Variants in RALGPS2 observed in about 807,000 individuals in gnomAD.
RALGPS2 encodes the protein Ral GEF with PH domain and SH3 binding motif 2, also known as ras-specific guanine nucleotide-releasing factor RalGPS2.
In RALGPS2, 43 loss-of-function variants were observed where a neutral mutation model predicts 86.8. The observed-to-expected ratio is 0.50, with a 90% CI of 0.39 to 0.64. The LOEUF (loss-of-function observed/expected upper bound fraction) is 0.64. Among genes scored for constraint, RALGPS2 ranks in the 30% least tolerant of loss-of-function variants. The pLI is 0.00. For synonymous variants in RALGPS2, 243 were observed against 231.3 expected (o/e 1.05, Z -0.46); for missense variants, 536 against 694.6 (o/e 0.77, Z 2.57).
In RALGPS2 at chr1:178,917,152, T is replaced by TA. The variant is rs1660842993; in HGVS notation, c.*796dup. ...AAACATGGTTGTTTCTAACTAGGGT[T>TA]AAAGTTTAGCTTTCTATATGAATTC... On this transcript the variant is annotated 3_prime_UTR_variant, in exon 20 of 20. Coordinates refer to ENST00000367635, the MANE Select transcript of RALGPS2 (RefSeq NM_152663.5). 1 of 152,232 alleles carries TA rather than the reference T, an allele frequency of 6.6e-6. No individual in the cohort carries two copies. Among genetic ancestry groups the TA allele is most frequent in the African/African-American group, 2.4e-5 (1 of 41,462 alleles). 9.4% of individuals were successfully genotyped at this position (152,232 alleles called of 1,614,324 possible).
At chr1:178,814,322 A>G (rs1464205416) in intron 6 of RALGPS2, among the ~76,000 whole-genome samples, 4 of 152,214 alleles carry the variant, frequency 2.6e-5, no homozygotes, top group Non-Finnish European at 1.5e-5. Context: ...ATTCTTGGCT[A>G]TTATGAGCCC....
chr1:178,892,233 C>A lies in RALGPS2; in HGVS notation c.1251C>A (p.Asn417Lys), dbSNP rs1420914140. ...EETSWPAFER[N>K]RLYHSLGPVT... Reference sequence around the variant, plus strand: ...AATTTATAATGGAATCCAACAGGAACAGATTATACCATTCTCTCGGCCCGG... The same window carrying A: ...AATTTATAATGGAATCCAACAGGAAAAGATTATACCATTCTCTCGGCCCGG... Residue 417 changes from asparagine (N) to lysine (K), a missense_variant, in exon 15 of 20, where the codon AAC becomes AAA. Physicochemically the swap from Asn to Lys is moderately conservative, Grantham distance 94. Transcript: ENST00000367635. 2 of 1,612,034 alleles carry A rather than the reference C, an allele frequency of 1.2e-6. No homozygotes were observed. Among genetic ancestry groups the A allele is most frequent in the Admixed American group, 3.3e-5 (2 of 59,864 alleles).
intron 16 of RALGPS2, among the ~76,000 whole-genome samples, chr1:178,896,449 CTTCT>C (rs900982519): frequency 1.3e-4 from 20 of 148,184 alleles, no homozygotes; most frequent in African/African-American, 4.6e-4. Context: ...CAAAAGCAAA[CTTCT>C]TTATTTTTTT....
chr1:178,903,434 T>C (rs1461301290), intron 18 of RALGPS2, among the ~76,000 whole-genome samples: 1 of 152,098 alleles, frequency 6.6e-6, no homozygotes, highest in Non-Finnish European at 1.5e-5. Context: ...TTTGTGAGAT[T>C]TTGGTGCACC....
At chr1:178,834,843 T>C (rs1183410229) in intron 8 of RALGPS2, among the ~76,000 whole-genome samples, 2 of 152,340 alleles carry the variant, frequency 1.3e-5, no homozygotes, top group East Asian at 1.9e-4. Flanking sequence ...AGAAGTGCGA[T>C]CGCTGCTTGC....
chr1:178,773,286 A>G (rs551833386), intron 1 of RALGPS2, among the ~76,000 whole-genome samples: 5 of 152,302 alleles, frequency 3.3e-5, no homozygotes, highest in South Asian at 4.1e-4. Context: ...TGGAGGCTGC[A>G]GTGAGCTAAG....
chr1:178,894,271 T>C (rs9970142), intron 16 of RALGPS2: 9,303 of 300,392 alleles, frequency 0.031, 841 homozygotes, highest in African/African-American at 0.19. Context: ...TGTCTTCCAT[T>C]CACAAATATA....
chr1:178,760,112 A>G (rs985994651), intron 1 of RALGPS2, among the ~76,000 whole-genome samples: 11 of 152,172 alleles, frequency 7.2e-5, no homozygotes, highest in African/African-American at 2.7e-4. Flanking sequence ...ACTTTCCAGT[A>G]CTGTGTTGAA....
At chr1:178,799,290 C>T (rs574243824) in intron 4 of RALGPS2, among the ~76,000 whole-genome samples, 29 of 152,132 alleles carry the variant, frequency 1.9e-4, no homozygotes, top group Admixed American at 7.2e-4. Flanking sequence ...CCGTCTGCCT[C>T]GGCTTCCCAA....
intron 1 of RALGPS2, among the ~76,000 whole-genome samples, chr1:178,756,953 C>T (rs1487070189): frequency 6.6e-6 from 1 of 152,092 alleles, no homozygotes; most frequent in African/African-American, 2.4e-5. Context: ...TTGTTTGCAT[C>T]ATATGTGATT....
rs544925413 is a variant in RALGPS2 at position 178,804,597 on chromosome 1, G to A, written c.214-3448G>A. 2.2e-3 allele frequency among the ~76,000 whole-genome samples: 269 copies of A among 119,944 alleles called. 3 individuals are homozygous for A. Among genetic ancestry groups the A allele is most frequent in the African/African-American group, 8.0e-3 (252 of 31,384 alleles). The allele number at this position is 119,944 out of a possible 152,430, so 78.7% of individuals were successfully genotyped here. ...CCAATTTCATCCATGTCCCTACAGA[G>A]GACATGAACTCATCATTTTTTATGG... On this transcript the variant is annotated intron_variant, in intron 4 of 19. Transcript: ENST00000367635.
intron 8 of RALGPS2, among the ~76,000 whole-genome samples, chr1:178,861,450 GTTTT>G (rs547749109): frequency 1.4e-5 from 2 of 144,386 alleles, no homozygotes; most frequent in African/African-American, 5.0e-5. Context: ...GCATTCGTGG[GTTTT>G]TTTTTTTGTA....
At chr1:178,902,066 T>A (rs1423428239) in intron 17 of RALGPS2, 40 bp from the exon 18 acceptor site, 1 of 1,488,790 alleles carries the variant, frequency 6.7e-7, no homozygotes, top group African/African-American at 1.4e-5. Flanking sequence ...GAATAAACCA[T>A]AAATTTTCTG....
intron 17 of RALGPS2, among the ~76,000 whole-genome samples, chr1:178,900,253 T>C (rs981869150): frequency 1.3e-5 from 2 of 151,960 alleles, no homozygotes; most frequent in South Asian, 4.1e-4. Context: ...CATATGGAAG[T>C]CTGTATACCT....
intron 1 of RALGPS2, among the ~76,000 whole-genome samples, chr1:178,733,470 GATAC>G (rs1378321545): frequency 1.3e-5 from 2 of 152,220 alleles, no homozygotes; most frequent in African/African-American, 4.8e-5. Flanking sequence ...AAAAAGTACT[GATAC>G]ATAATTTTTA....
At chr1:178,891,595 CTG>C (rs1388554596) in intron 14 of RALGPS2, among the ~76,000 whole-genome samples, 1 of 151,686 alleles carries the variant, frequency 6.6e-6, no homozygotes, top group Admixed American at 6.6e-5. Context: ...TTTTATGTGT[CTG>C]TTTTTATTTT....
chr1:178,875,191 A>G (rs1231660121), intron 8 of RALGPS2, among the ~76,000 whole-genome samples: 2 of 152,238 alleles, frequency 1.3e-5, no homozygotes, highest in Non-Finnish European at 2.9e-5. Context: ...GTTGTAAAAT[A>G]GCTCAGAAGG....
chr1:178,732,532 C>T lies in RALGPS2; in HGVS notation c.-84+7113C>T, dbSNP rs189532834. 5.9e-5 allele frequency among the ~76,000 whole-genome samples: 9 copies of T among 152,204 alleles called. No individual in the cohort carries two copies. The East Asian group carries it at 1.4e-3, about 23-fold the overall frequency. ...CCAGGATGGTCTCAGATCTCCTGAC[C>T]TCGTGATCTGCCCATCTTGGCCTCC... is the stretch of plus-strand genomic sequence containing the variant. On this transcript the variant is annotated intron_variant, in intron 1 of 19. Coordinates refer to ENST00000367635, the MANE Select transcript of RALGPS2 (RefSeq NM_152663.5).
At chr1:178,892,558 G>A (rs1659762061) in intron 15 of RALGPS2, among the ~76,000 whole-genome samples, 1 of 152,014 alleles carries the variant, frequency 6.6e-6, no homozygotes, top group African/African-American at 2.4e-5. Flanking sequence ...TTCCAAGTTG[G>A]TAGCCTTTAA....
Sources: allele counts gnomAD v4.1 joint callset (sites outside exome capture counted in the v4.1 genomes callset), GRCh38; gene constraint gnomAD v4.1.1; transcripts MANE v1.5; gene names NCBI Gene and HGNC (gene_info 2026-07-23, HGNC 2026-07-21).